The following ST6GALNAC3 variants were observed in gnomAD, a reference collection of about 807,000 sequenced individuals.
The protein encoded by ST6GALNAC3 is alpha-N-acetylgalactosaminide alpha-2,6-sialyltransferase 3.
In ST6GALNAC3, 25 loss-of-function variants were observed where a neutral mutation model predicts 32.7. The observed-to-expected ratio is 0.76, with a 90% confidence interval of 0.56 to 1.07. ST6GALNAC3 has a LOEUF of 1.07. Ranked by LOEUF, ST6GALNAC3 falls within the 50% of genes least tolerant of loss-of-function variation. The pLI is 0.00. For synonymous variants in ST6GALNAC3, 129 were observed against 133.1 expected (o/e 0.97, Z 0.21); for missense variants, 355 against 382.4 (o/e 0.93, Z 0.60).
intron 3 of ST6GALNAC3, among the ~76,000 whole-genome samples, chr1:76,620,782 GC>G (rs746930067): frequency 5.3e-5 from 8 of 152,008 alleles, no homozygotes; most frequent in African/African-American, 9.7e-5. Context: ...ACAAAATTCA[GC>G]CCATAGCATC....
intron 1 of ST6GALNAC3, among the ~76,000 whole-genome samples, chr1:76,092,835 C>T (rs933606224): frequency 1.3e-5 from 2 of 152,116 alleles, no homozygotes; most frequent in Non-Finnish European, 2.9e-5. Flanking sequence ...GACTGCCTGG[C>T]GTCCAGCGTG....
intron 1 of ST6GALNAC3, among the ~76,000 whole-genome samples, chr1:76,159,037 G>A (rs1387676585): frequency 1.3e-5 from 2 of 152,184 alleles, no homozygotes; most frequent in Non-Finnish European, 2.9e-5. Flanking sequence ...GTGTGATGGA[G>A]AGGGAGGCAG....
At chr1:76,534,330 A>C (rs1663459209) in intron 3 of ST6GALNAC3, among the ~76,000 whole-genome samples, 1 of 152,128 alleles carries the variant, frequency 6.6e-6, no homozygotes, top group Non-Finnish European at 1.5e-5. Context: ...GGCTTGAACC[A>C]CCATGCCTGG....
At chr1:76,398,834 C>T (rs1001715742) in intron 2 of ST6GALNAC3, among the ~76,000 whole-genome samples, 6 of 152,112 alleles carry the variant, frequency 3.9e-5, no homozygotes, top group South Asian at 2.1e-4. Flanking sequence ...TTTACACTCC[C>T]GTTTGTTGCC....
chr1:76,598,392 T>C (rs1647171617), intron 3 of ST6GALNAC3, among the ~76,000 whole-genome samples: 1 of 152,150 alleles, frequency 6.6e-6, no homozygotes, highest in East Asian at 1.9e-4. Flanking sequence ...TCCATCCATC[T>C]CACAGCCTCC....
chr1:76,396,577 C>G (rs1041054129), intron 2 of ST6GALNAC3, among the ~76,000 whole-genome samples: 14 of 152,182 alleles, frequency 9.2e-5, no homozygotes, highest in African/African-American at 3.4e-4. Flanking sequence ...CTCATTGGAG[C>G]ACCTTTCTAT....
intron 1 of ST6GALNAC3, among the ~76,000 whole-genome samples, chr1:76,298,376 A>G (rs1258448087): frequency 1.3e-5 from 2 of 152,056 alleles, no homozygotes; most frequent in Non-Finnish European, 2.9e-5. Context: ...CTAGTGAAAT[A>G]TAAAATTAGA....
At chr1:76,204,845 C>T (rs1487904373) in intron 1 of ST6GALNAC3, among the ~76,000 whole-genome samples, 2 of 152,166 alleles carry the variant, frequency 1.3e-5, no homozygotes, top group Non-Finnish European at 2.9e-5. Flanking sequence ...TTTCATAGCA[C>T]TTCATCTGAG....
intron 1 of ST6GALNAC3, among the ~76,000 whole-genome samples, chr1:76,290,144 C>T (rs1570708117): frequency 1.3e-5 from 2 of 152,312 alleles, no homozygotes; most frequent in East Asian, 1.9e-4. Flanking sequence ...TAAAAATGCC[C>T]CATGAGCCAC....
chr1:76,610,835 T>C (rs138524601), intron 3 of ST6GALNAC3, among the ~76,000 whole-genome samples: 2 of 152,274 alleles, frequency 1.3e-5, no homozygotes, highest in East Asian at 1.9e-4. Flanking sequence ...AATGGATATA[T>C]ACCTTCTTTC....
intron 3 of ST6GALNAC3, among the ~76,000 whole-genome samples, chr1:76,502,325 T>C (rs1327116055): frequency 1.3e-5 from 2 of 152,204 alleles, no homozygotes; most frequent in East Asian, 1.9e-4. Context: ...GAGGTAACTA[T>C]TATTATTGCC....
intron 3 of ST6GALNAC3, among the ~76,000 whole-genome samples, chr1:76,558,841 G>C (rs980589213): frequency 6.6e-6 from 1 of 152,082 alleles, no homozygotes; most frequent in Non-Finnish European, 1.5e-5. Context: ...TAGTTACACA[G>C]GTATAGCTCT....
At chr1:76,540,953 T>C (rs1217623165) in intron 3 of ST6GALNAC3, among the ~76,000 whole-genome samples, 1 of 152,150 alleles carries the variant, frequency 6.6e-6, no homozygotes, top group Non-Finnish European at 1.5e-5. Context: ...AGTGTGATGA[T>C]AGATACATGC....
chr1:76,158,295 T>C (rs576147770), intron 1 of ST6GALNAC3, among the ~76,000 whole-genome samples: 1 of 152,286 alleles, frequency 6.6e-6, no homozygotes, highest in African/African-American at 2.4e-5. Flanking sequence ...TTTAGGAATA[T>C]ATGGGAGGAG....
chr1:76,290,869 G>A (rs902428507), intron 1 of ST6GALNAC3, among the ~76,000 whole-genome samples: 4 of 152,078 alleles, frequency 2.6e-5, no homozygotes, highest in African/African-American at 7.2e-5. Flanking sequence ...GGACAGCTGT[G>A]TGTGAATAAA....
At chr1:76,527,775 C>G in intron 3 of ST6GALNAC3, among the ~76,000 whole-genome samples, 1 of 152,064 alleles carries the variant, frequency 6.6e-6, no homozygotes, top group East Asian at 1.9e-4. Context: ...GAATAGCACT[C>G]ATGAGTTGGT....
chr1:76,389,012 CTT>C (rs371619828), intron 2 of ST6GALNAC3, among the ~76,000 whole-genome samples: 1 of 127,364 alleles, frequency 7.9e-6, no homozygotes, highest in African/African-American at 3.0e-5. Flanking sequence ...GGTATATTTC[CTT>C]TTTTTTTTTT....
At chr1:76,271,342 T>C (rs1658833501) in intron 1 of ST6GALNAC3, among the ~76,000 whole-genome samples, 1 of 152,210 alleles carries the variant, frequency 6.6e-6, no homozygotes, top group South Asian at 2.1e-4. Flanking sequence ...CAGAAGAATT[T>C]ATTCTAGGAG....
intron 1 of ST6GALNAC3, among the ~76,000 whole-genome samples, chr1:76,104,153 G>C (rs2100783128): frequency 6.6e-6 from 1 of 152,170 alleles, no homozygotes; most frequent in Admixed American, 6.5e-5. Flanking sequence ...ATTTCTGCTG[G>C]TTTTGTTTAT....
Sources: allele counts gnomAD v4.1 joint callset (sites outside exome capture counted in the v4.1 genomes callset), GRCh38; gene constraint gnomAD v4.1.1; transcripts MANE v1.5; gene names NCBI Gene and HGNC (gene_info 2026-07-23, HGNC 2026-07-21).